KDM3B: variants seen among roughly 807,000 people sequenced by gnomAD.
KDM3B encodes the protein lysine demethylase 3B.
In KDM3B, 10 loss-of-function variants were observed where a neutral mutation model predicts 170.0. That is an observed-to-expected ratio of 0.06 (90% CI 0.04 to 0.10). The LOEUF (loss-of-function observed/expected upper bound fraction) is 0.10. KDM3B is among the 10% of genes least tolerant of loss of function. The probability of loss-of-function intolerance (pLI) is 1.00; values close to 1 mark genes in which losing one functional copy is unlikely to be tolerated. For missense variants in KDM3B, 1,394 were observed against 2,195.2 expected (o/e 0.64, Z 7.29); for synonymous variants, 831 against 834.8 (o/e 1.00, Z 0.08).
chr5:138,395,404 A>C (rs1762522038), intron 9 of KDM3B, among the ~76,000 whole-genome samples: 1 of 152,190 alleles, frequency 6.6e-6, no homozygotes, highest in African/African-American at 2.4e-5. Context: ...AAAACTAGGC[A>C]GTGAGGTATC....
At chr5:138,398,474 C>T in intron 10 of KDM3B, 82 bp downstream of exon 10, 1 of 1,242,968 alleles carries the variant, frequency 8.0e-7, no homozygotes, top group East Asian at 2.3e-5. Context: ...AGATTGGGGA[C>T]AGTGGCAGAT....
Position 138,416,610 on chromosome 5 carries a change from A to C in KDM3B, c.3308-873A>C, listed in dbSNP as rs1292930866. Among the ~76,000 whole-genome samples the C allele has an allele frequency of 3.7e-5, 5 of 135,848 alleles. No homozygotes were observed. In the South Asian group the frequency reaches 8.4e-4, roughly 23 times the overall value. The allele number at this position is 135,848 out of a possible 152,430, so 89.1% of individuals were successfully genotyped here. On this transcript the variant is annotated intron_variant, in intron 12 of 23. Coordinates refer to ENST00000314358, the MANE Select transcript of KDM3B (RefSeq NM_016604.4). ...TCTCAAAAAAAAAAAAAAAAAAAAA[A>C]CATAACAAAAAACCAAAGAAAACTT...
chr5:138,406,697 G>T (rs1164218704), intron 11 of KDM3B, among the ~76,000 whole-genome samples: 2 of 152,068 alleles, frequency 1.3e-5, no homozygotes, highest in Non-Finnish European at 2.9e-5. Context: ...ATGAGAAAAA[G>T]ATATTTTATA....
chr5:138,399,960 A>T lies in KDM3B; in HGVS notation c.3147A>T (p.Gly1049=), dbSNP rs1295051002. ...TCCACTGGGTTTGTCGCAAATGTGGATTTGGGGTCTGCCTTGACTGTTACC... is the reference window on the plus strand; with the variant it reads ...TCCACTGGGTTTGTCGCAAATGTGGTTTTGGGGTCTGCCTTGACTGTTACC... ...FNIHWVCRKC[G]FGVCLDCYRL... is the part of the protein sequence containing the mutation. The change falls in exon 11 of 24, where the codon GGA becomes GGT. Residue 1049 remains glycine (G), a synonymous_variant. Coordinates refer to ENST00000314358, the MANE Select transcript of KDM3B (RefSeq NM_016604.4). 3.7e-6 allele frequency: 6 copies of T among 1,614,126 alleles called. No individual in the cohort carries two copies. The highest frequency in any genetic ancestry group is 5.1e-6 in the Non-Finnish European group (6 of 1,180,024).
intron 15 of KDM3B, among the ~76,000 whole-genome samples, chr5:138,422,158 T>G (rs1249153654): frequency 6.6e-6 from 1 of 152,234 alleles, no homozygotes; most frequent in Non-Finnish European, 1.5e-5. Flanking sequence ...CGATTTTCCC[T>G]GCTTTGTTTT....
rs943765409 is a variant in KDM3B, at chr5:138,399,525, G to A, written c.3047-335G>A. On this transcript the variant is annotated intron_variant, in intron 10 of 23. Transcript: ENST00000314358. The stretch of plus-strand genomic sequence containing the variant: ...TGCACTCCAGCCTGGATGACAAAGC[G>A]AGACCCCATCTCAAAAAAATATATA... Among the ~76,000 whole-genome samples the A allele has an allele frequency of 5.3e-5, 8 of 151,532 alleles. No homozygotes were observed. The East Asian group carries it at 1.2e-3, about 22-fold the overall frequency.
intron 1 of KDM3B, among the ~76,000 whole-genome samples, chr5:138,359,063 G>A (rs1051407683): frequency 2.6e-5 from 4 of 151,192 alleles, no homozygotes; most frequent in South Asian, 2.1e-4. Context: ...TTGTTCTTGC[G>A]ATAGTTTACT....
In KDM3B at chr5:138,352,700, G is replaced by A. The variant is rs1363536957; in HGVS notation, c.-96G>A. 7.5e-5 allele frequency: 74 copies of A among 987,222 alleles called. No homozygotes were observed. Among genetic ancestry groups the A allele is most frequent in the Non-Finnish European group, 9.3e-5 (73 of 784,930 alleles). 61.2% of individuals were successfully genotyped at this position (987,222 alleles called of 1,614,324 possible). ...GGGTGGGGGGGAACGGCGGCCGCGG[G>A]TGGTGCGGAGGGAGGCCTTGCGGGC... is the stretch of plus-strand genomic sequence containing the variant. On this transcript the variant is annotated 5_prime_UTR_variant, in exon 1 of 24. In the 5' UTR this introduces an upstream ATG that the reference lacks. Coordinates refer to ENST00000314358, the MANE Select transcript of KDM3B (RefSeq NM_016604.4).
intron 11 of KDM3B, among the ~76,000 whole-genome samples, chr5:138,410,554 G>A (rs11747361): frequency 0.13 from 19,349 of 152,100 alleles, 1,667 homozygotes; most frequent in South Asian, 0.25. Context: ...CCCCGTGTGC[G>A]GCGACAAGAG....
At chr5:138,392,392 G>C in intron 8 of KDM3B, 131 bp downstream of exon 8, 1 of 983,570 alleles carries the variant, frequency 1.0e-6, no homozygotes, top group Non-Finnish European at 1.4e-6. Flanking sequence ...GAGCCAAGAG[G>C]ACCTGGCAGA....
intron 1 of KDM3B, among the ~76,000 whole-genome samples, chr5:138,355,749 G>A (rs925969458): frequency 3.9e-5 from 6 of 152,104 alleles, no homozygotes; most frequent in East Asian, 1.9e-4. Flanking sequence ...CCTTGGGACC[G>A]TCACGTATAT....
intron 13 of KDM3B, 37 bp from the exon 14 acceptor site, chr5:138,418,916 C>G (rs1763177583): frequency 1.2e-6 from 2 of 1,600,486 alleles, no homozygotes; most frequent in African/African-American, 2.7e-5. Context: ...TCTACCCAAG[C>G]ACAGCACTCT....
At chr5:138,369,708 C>G (rs946313716) in intron 1 of KDM3B, among the ~76,000 whole-genome samples, 1 of 152,194 alleles carries the variant, frequency 6.6e-6, no homozygotes, top group Non-Finnish European at 1.5e-5. Context: ...AGTTCCTCTG[C>G]ACATCTGAAG....
chr5:138,430,593 A>T (rs1368467877), intron 22 of KDM3B, among the ~76,000 whole-genome samples, 168 bp downstream of exon 22: 1 of 152,178 alleles, frequency 6.6e-6, no homozygotes, highest in African/African-American at 2.4e-5. Flanking sequence ...AGGCTCATTT[A>T]AAAAATTTTA....
In KDM3B at chr5:138,368,616, C is replaced by T. The variant is rs1354781770; in HGVS notation, c.193-4058C>T. Among the ~76,000 whole-genome samples, 4 of 152,148 alleles carry T rather than the reference C, an allele frequency of 2.6e-5. No homozygotes were observed. In the East Asian group the frequency reaches 5.8e-4, roughly 22 times the overall value. ...CCAGGAAGCGAAGTACAGTCCTGGGCCAGAAATAAGCTTCACTCTTGGGGG... is the reference window on the plus strand; with the variant it reads ...CCAGGAAGCGAAGTACAGTCCTGGGTCAGAAATAAGCTTCACTCTTGGGGG... On this transcript the variant is annotated intron_variant, in intron 1 of 23. Coordinates refer to ENST00000314358, the MANE Select transcript of KDM3B (RefSeq NM_016604.4).
chr5:138,435,909 A>G lies in KDM3B; in HGVS notation c.*209A>G. ...GTACTGTTCACACACACAGTTTGAG[A>G]CTCCAAGCCAAGAGTGCCACATCCC... On this transcript the variant is annotated 3_prime_UTR_variant, in exon 24 of 24. Coordinates refer to ENST00000314358, the MANE Select transcript of KDM3B (RefSeq NM_016604.4). 1.8e-6 allele frequency: 1 copy of G among 543,340 alleles called. No homozygotes were observed. Among genetic ancestry groups the G allele is most frequent in the Admixed American group, 3.4e-5 (1 of 29,830 alleles). The allele number at this position is 543,340 out of a possible 1,614,324, so 33.7% of individuals were successfully genotyped here. A position where few individuals can be genotyped will look rare whatever the true frequency, so the allele number is the denominator to read the frequency against.
At position 138,352,933 on chromosome 5, in the gene KDM3B, C is replaced by T. The variant is rs1450254424; in HGVS notation, c.138C>T (p.Ala46=). ...CGGGGCCTGCGCTGCGCACTCGAGC[C>T]TGGCGGGCCGGCACGGTGCGGGCCA... ...GDPGPALRTR[A]WRAGTVRAMS... is the part of the protein sequence containing the mutation. The change falls in exon 1 of 24, where the codon GCC becomes GCT. Residue 46 remains alanine, a synonymous_variant. Transcript: ENST00000314358. The T allele has an allele frequency of 6.8e-6, 9 of 1,315,782 alleles. No individual in the cohort carries two copies. The highest frequency in any genetic ancestry group is 7.7e-6 in the Non-Finnish European group (8 of 1,034,856). 81.5% of individuals were successfully genotyped at this position (1,315,782 alleles called of 1,614,324 possible).
intron 3 of KDM3B, among the ~76,000 whole-genome samples, chr5:138,375,965 C>T (rs1761988511): frequency 6.6e-6 from 1 of 152,094 alleles, no homozygotes; most frequent in African/African-American, 2.4e-5. Flanking sequence ...GTGTGATCAA[C>T]CACGCCTGGC....
chr5:138,374,085 C>T (rs2126924442), intron 2 of KDM3B, among the ~76,000 whole-genome samples: 1 of 152,172 alleles, frequency 6.6e-6, no homozygotes, highest in Middle Eastern at 3.4e-3. Flanking sequence ...CCTCTGCTTC[C>T]CAGGTTCAAG....
Sources: gnomAD v4.1 joint callset for allele counts (sites outside exome capture counted in the v4.1 genomes callset) on GRCh38, gnomAD v4.1.1 for gene constraint, MANE v1.5 for transcripts, NCBI Gene and HGNC (gene_info 2026-07-23, HGNC 2026-07-21) for gene names.